Variants in TTLL7 observed in about 807,000 individuals in gnomAD.
The protein encoded by TTLL7 is tubulin polyglutamylase TTLL7.
In TTLL7, 53 loss-of-function variants were observed where a neutral mutation model predicts 120.2. The ratio of observed to expected loss-of-function variants is 0.44; its 90% CI spans 0.35 to 0.55. The LOEUF (loss-of-function observed/expected upper bound fraction) is 0.55. Ranked by LOEUF, TTLL7 falls within the 20% of genes least tolerant of loss-of-function variation. The pLI, the probability that TTLL7 is intolerant of heterozygous loss-of-function variation, is 0.00. For missense variants in TTLL7, 803 were observed against 1,054.7 expected (o/e 0.76, Z 3.31); for synonymous variants, 353 against 351.7 (o/e 1.00, Z -0.04).
At chr1:83,981,442 C>T (rs1404103426) in intron 1 of TTLL7, 1 of 151,982 alleles carries the variant, frequency 6.6e-6, no homozygotes, top group East Asian at 1.9e-4. Context: ...CTCAATCCAC[C>T]AAGAAGATAT....
At chr1:83,956,960 A>G (rs1020868952) in intron 1 of TTLL7, among the ~76,000 whole-genome samples, 10 of 152,240 alleles carry the variant, frequency 6.6e-5, no homozygotes, top group Admixed American at 3.3e-4. Flanking sequence ...TTGTATCAAT[A>G]TAATCATGTT....
chr1:83,971,821 C>G (rs1173178990), intron 1 of TTLL7, among the ~76,000 whole-genome samples: 2 of 151,922 alleles, frequency 1.3e-5, no homozygotes, highest in African/African-American at 4.8e-5. Flanking sequence ...ACAGTCCTAG[C>G]CATCTTAATA....
intron 1 of TTLL7, among the ~76,000 whole-genome samples, chr1:83,987,943 C>T (rs1322871540): frequency 6.6e-6 from 1 of 152,128 alleles, no homozygotes; most frequent in Non-Finnish European, 1.5e-5. Flanking sequence ...GAGTATATTG[C>T]ATGATGCTGA....
chr1:83,919,656 T>C, intron 13 of TTLL7, 43 bp downstream of exon 13: 1 of 1,550,664 alleles, frequency 6.4e-7, no homozygotes, highest in Non-Finnish European at 8.7e-7. Context: ...ACATATTGTT[T>C]AGCTTTATTC....
At chr1:83,932,156 G>A (rs1659651452) in intron 9 of TTLL7, among the ~76,000 whole-genome samples, 1 of 152,128 alleles carries the variant, frequency 6.6e-6, no homozygotes. Flanking sequence ...AAGCTCTAGT[G>A]AAGCAAATGT....
intron 19 of TTLL7, among the ~76,000 whole-genome samples, chr1:83,888,700 T>C (rs1253324509): frequency 2.0e-5 from 3 of 151,886 alleles, no homozygotes; most frequent in East Asian, 1.9e-4. Context: ...TTAAGAGATC[T>C]GAAAAACAAT....
intron 1 of TTLL7, among the ~76,000 whole-genome samples, chr1:83,995,897 C>T (rs183203036): frequency 8.5e-5 from 13 of 152,280 alleles, no homozygotes; most frequent in African/African-American, 3.1e-4. Context: ...AATGATAATA[C>T]ATCTACCAAA....
chr1:83,905,702 A>C (rs775020824), intron 17 of TTLL7, among the ~76,000 whole-genome samples: 1 of 151,908 alleles, frequency 6.6e-6, no homozygotes, highest in Non-Finnish European at 1.5e-5. Flanking sequence ...GCATGAAGAA[A>C]TGCGCTTTCA....
intron 6 of TTLL7, among the ~76,000 whole-genome samples, chr1:83,944,862 C>T (rs1648331768): frequency 1.3e-5 from 2 of 152,084 alleles, no homozygotes; most frequent in South Asian, 4.1e-4. Flanking sequence ...GTGACAATAA[C>T]AACATAAAGG....
intron 7 of TTLL7, among the ~76,000 whole-genome samples, chr1:83,938,797 T>C (rs1333405525): frequency 6.6e-6 from 1 of 152,222 alleles, no homozygotes; most frequent in Non-Finnish European, 1.5e-5. Flanking sequence ...CATAAAAATC[T>C]ATCTTTAATT....
At chr1:83,926,484 G>A (rs374898413) in intron 10 of TTLL7, among the ~76,000 whole-genome samples, 2 of 152,114 alleles carry the variant, frequency 1.3e-5, no homozygotes, top group South Asian at 2.1e-4. Flanking sequence ...ACTCAAAAAT[G>A]ATGCCACAAA....
At chr1:83,923,688 A>T (rs1658872956) in intron 10 of TTLL7, among the ~76,000 whole-genome samples, 4 of 152,134 alleles carry the variant, frequency 2.6e-5, no homozygotes, top group Admixed American at 2.6e-4. Flanking sequence ...CATTCTAAAA[A>T]CTATTTGCAT....
intron 1 of TTLL7, among the ~76,000 whole-genome samples, chr1:83,957,731 T>G (rs548332710): frequency 1.3e-5 from 2 of 152,312 alleles, no homozygotes; most frequent in Non-Finnish European, 2.9e-5. Flanking sequence ...TATAACATAT[T>G]GAAGATTTCG....
At chr1:83,878,201 GT>G (rs11326130) in intron 20 of TTLL7, among the ~76,000 whole-genome samples, 25 of 143,656 alleles carry the variant, frequency 1.7e-4, no homozygotes, top group Middle Eastern at 3.6e-3. Flanking sequence ...ATTTGGGTTT[GT>G]TTTTTTTTTT....
chr1:83,894,846 T>C (rs1371146737), intron 18 of TTLL7, among the ~76,000 whole-genome samples: 2 of 152,022 alleles, frequency 1.3e-5, no homozygotes, highest in Non-Finnish European at 2.9e-5. Flanking sequence ...TCCTCTTTGC[T>C]TCTCTTTGCT....
chr1:83,980,802 AAAGT>A (rs1651886039), intron 1 of TTLL7: 1 of 152,214 alleles, frequency 6.6e-6, no homozygotes, highest in Admixed American at 6.5e-5. Flanking sequence ...TCTGTTACTC[AAAGT>A]ATGTATGGGA....
At chr1:83,872,289 A>G (rs1653491163) in intron 20 of TTLL7, among the ~76,000 whole-genome samples, 1 of 152,266 alleles carries the variant, frequency 6.6e-6, no homozygotes, top group Non-Finnish European at 1.5e-5. Context: ...TCAATATTGT[A>G]TAACAGGTGA....
At chr1:83,970,164 T>C (rs1557766159) in intron 1 of TTLL7, among the ~76,000 whole-genome samples, 1 of 152,078 alleles carries the variant, frequency 6.6e-6, no homozygotes. Flanking sequence ...GATTCCTAAT[T>C]AGTACACAAG....
At chr1:83,948,506 A>C in intron 5 of TTLL7, 122 bp downstream of exon 5, 3 of 662,842 alleles carry the variant, frequency 4.5e-6, no homozygotes, top group Non-Finnish European at 7.5e-6. Flanking sequence ...CTAGCTCCAA[A>C]ATTCTATCAC....
Sources: gnomAD v4.1 joint callset for allele counts (sites outside exome capture counted in the v4.1 genomes callset) on GRCh38, gnomAD v4.1.1 for gene constraint, MANE v1.5 for transcripts, NCBI Gene and HGNC (gene_info 2026-07-23, HGNC 2026-07-21) for gene names.